Variants in CPSF3 observed in about 807,000 individuals in gnomAD.
CPSF3 encodes cleavage and polyadenylation specific factor 3, also known as cleavage and polyadenylation specificity factor subunit 3.
CPSF3 carries 57 observed loss-of-function variants against 84.1 expected under a neutral mutation model. The ratio of observed to expected loss-of-function variants is 0.68; its 90% CI spans 0.55 to 0.85. The LOEUF (loss-of-function observed/expected upper bound fraction) is 0.85. CPSF3 is among the 40% of genes least tolerant of loss of function. The pLI, the probability that CPSF3 is intolerant of heterozygous loss-of-function variation, is 0.00. For synonymous variants in CPSF3, 275 were observed against 278.1 expected, an observed-to-expected ratio of 0.99 and a Z score of 0.11; for missense variants, 522 against 838.8, an observed-to-expected ratio of 0.62 and a Z score of 4.66.
intron 10 of CPSF3, among the ~76,000 whole-genome samples, chr2:9,446,696 G>A (rs1475940203): frequency 2.6e-5 from 4 of 152,030 alleles, no homozygotes; most frequent in African/African-American, 4.8e-5. Context: ...GGCAGAGGCT[G>A]CAGTGAGCCA....
In CPSF3 at chr2:9,470,107, CA is replaced by C. The variant is rs549437880; in HGVS notation, c.1857-1234del. On this transcript the variant is annotated intron_variant, in intron 16 of 17. Transcript: ENST00000238112. ...GTGTGGTGGTGGGTGCTTGTAATCC[CA>C]ACTACTCAGGAGGCTGAGGGAGGAG... 6.4e-4 allele frequency among the ~76,000 whole-genome samples: 97 copies of C among 152,184 alleles called. 3 individuals are homozygous for C. In the East Asian group the frequency reaches 0.016, roughly 25 times the overall value.
chr2:9,455,512 G>GT, intron 12 of CPSF3, 147 bp from the exon 13 acceptor site: 1 of 600,158 alleles, frequency 1.7e-6, no homozygotes, highest in South Asian at 2.1e-5. Context: ...GTGGGGAAAT[G>GT]TAAGGTGGTA....
chr2:9,439,727 G>A lies in CPSF3; in HGVS notation c.761-764G>A, dbSNP rs375706080. Reference sequence around the variant, plus strand: ...AGCATGGCTGAGTGTGGTGACTCATGCCTGTAATCCCAGCACTTTGGGAAG... The same window carrying A: ...AGCATGGCTGAGTGTGGTGACTCATACCTGTAATCCCAGCACTTTGGGAAG... On this transcript the variant is annotated intron_variant, in intron 7 of 17. Transcript: ENST00000238112. Among the ~76,000 whole-genome samples the A allele has an allele frequency of 2.4e-4, 37 of 152,218 alleles. 1 individual carries two copies. The South Asian group carries it at 7.7e-3, about 32-fold the overall frequency.
intron 15 of CPSF3, among the ~76,000 whole-genome samples, chr2:9,463,798 C>A (rs1313407192): frequency 6.6e-6 from 1 of 152,216 alleles, no homozygotes; most frequent in African/African-American, 2.4e-5. Context: ...TATAGTGTTA[C>A]CGAAACACAG....
chr2:9,443,840 T>C (rs961475964), intron 10 of CPSF3, among the ~76,000 whole-genome samples, 179 bp downstream of exon 10: 2 of 152,134 alleles, frequency 1.3e-5, no homozygotes, highest in Non-Finnish European at 2.9e-5. Flanking sequence ...TTCAGCAAGC[T>C]GCCCCCTTTC....
At chr2:9,447,704 G>A (rs967933620) in intron 10 of CPSF3, among the ~76,000 whole-genome samples, 8 of 152,190 alleles carry the variant, frequency 5.3e-5, no homozygotes, top group African/African-American at 1.9e-4. Context: ...GAACTCAGGA[G>A]GTAGAGGCTG....
intron 11 of CPSF3, among the ~76,000 whole-genome samples, chr2:9,450,191 G>A (rs1017145313): frequency 1.4e-5 from 2 of 140,912 alleles, no homozygotes; most frequent in African/African-American, 5.3e-5. Context: ...TTGCTCTGTC[G>A]CCCAGGCTGG....
At chr2:9,438,206 T>C (rs1199094186) in intron 7 of CPSF3, among the ~76,000 whole-genome samples, 1 of 152,218 alleles carries the variant, frequency 6.6e-6, no homozygotes, top group East Asian at 1.9e-4. Context: ...CTGTAATAGA[T>C]AGGACTTCTA....
At chr2:9,452,848 A>G (rs1681379733) in intron 11 of CPSF3, 65 bp from the exon 12 acceptor site, 1 of 1,025,896 alleles carries the variant, frequency 9.7e-7, no homozygotes, top group Non-Finnish European at 1.5e-6. Context: ...GATGAACTGC[A>G]TTTTATTACC....
In CPSF3 at chr2:9,436,202, A is replaced by G. The variant is rs1680775662; in HGVS notation, c.610-9A>G. On this transcript the variant is annotated splice_polypyrimidine_tract_variant and intron_variant, in intron 6 of 17. Transcript: ENST00000238112. ...GGTCTTAGTCTCACACTTCTAATGT[A>G]TTATTTAGGAATCTACTTATGGGAC... 6.3e-7 allele frequency: 1 copy of G among 1,579,898 alleles called. No homozygotes were observed. The highest frequency in any genetic ancestry group is 1.4e-5 in the African/African-American group (1 of 73,342).
intron 15 of CPSF3, among the ~76,000 whole-genome samples, chr2:9,460,559 A>G (rs1162404365): frequency 1.3e-5 from 2 of 152,194 alleles, no homozygotes; most frequent in African/African-American, 4.8e-5. Flanking sequence ...ATAGAATTGA[A>G]TCTCCCTATG....
chr2:9,472,125 C>T (rs1260757772), intron 17 of CPSF3, among the ~76,000 whole-genome samples: 1 of 151,294 alleles, frequency 6.6e-6, no homozygotes. Flanking sequence ...ACCAGCCTGG[C>T]CAACATGATG....
At chr2:9,461,821 G>T (rs949395337) in intron 15 of CPSF3, among the ~76,000 whole-genome samples, 1 of 146,438 alleles carries the variant, frequency 6.8e-6, no homozygotes, top group African/African-American at 2.6e-5. Flanking sequence ...GAGTACAGTG[G>T]CACCATCTCG....
At chr2:9,446,836 T>C (rs1043470877) in intron 10 of CPSF3, among the ~76,000 whole-genome samples, 1 of 152,074 alleles carries the variant, frequency 6.6e-6, no homozygotes, top group South Asian at 2.1e-4. Flanking sequence ...GCTGTTGTTG[T>C]AAATACCCTC....
At chr2:9,469,944 T>C (rs1341108823) in intron 16 of CPSF3, among the ~76,000 whole-genome samples, 1 of 152,208 alleles carries the variant, frequency 6.6e-6, no homozygotes, top group East Asian at 1.9e-4. Context: ...CTGGGTGTGG[T>C]GACCCACACC....
intron 15 of CPSF3, among the ~76,000 whole-genome samples, chr2:9,466,259 CACACAAA>C (rs1681925129): frequency 4.3e-5 from 4 of 92,438 alleles, no homozygotes; most frequent in South Asian, 2.8e-4. Context: ...CGCACACACG[CACACAAA>C]GACGCACGCA....
intron 1 of CPSF3, among the ~76,000 whole-genome samples, chr2:9,426,748 A>G (rs1382647594): frequency 6.6e-6 from 1 of 152,084 alleles, no homozygotes; most frequent in East Asian, 1.9e-4. Context: ...AGGAGTGACA[A>G]CGGCTGCCAA....
chr2:9,455,786 T>C (rs370760194), intron 13 of CPSF3, 29 bp downstream of exon 13: 25 of 1,455,070 alleles, frequency 1.7e-5, no homozygotes, highest in Middle Eastern at 1.7e-4. Context: ...ATTCATTTCA[T>C]TGTTTTCTGT....
chr2:9,447,978 T>C (rs1251748017), intron 10 of CPSF3, among the ~76,000 whole-genome samples: 1 of 152,202 alleles, frequency 6.6e-6, no homozygotes, highest in African/African-American at 2.4e-5. Flanking sequence ...GAAGTTTCTT[T>C]ACTCTTTGTT....
Sources: gnomAD v4.1 joint callset for allele counts (sites outside exome capture counted in the v4.1 genomes callset) on GRCh38, gnomAD v4.1.1 for gene constraint, MANE v1.5 for transcripts, NCBI Gene and HGNC (gene_info 2026-07-23, HGNC 2026-07-21) for gene names.